The following ENOX1 variants were observed in gnomAD, a reference collection of about 807,000 sequenced individuals.
ENOX1 encodes the protein ecto-NOX disulfide-thiol exchanger 1, also known as candidate growth-related and time keeping constitutive hydroquinone (NADH) oxidase.
A neutral mutation model predicts 82.5 loss-of-function variants in ENOX1; 42 were observed. The observed-to-expected ratio is 0.51, with a 90% CI of 0.40 to 0.66. The LOEUF (loss-of-function observed/expected upper bound fraction) is 0.66, where lower values mean the gene tolerates loss of function less well. Among genes scored for constraint, ENOX1 ranks in the 30% least tolerant of loss-of-function variants. The probability of loss-of-function intolerance (pLI) is 0.00; values close to 1 mark genes in which losing one functional copy is unlikely to be tolerated. For synonymous variants in ENOX1, 271 were observed against 282.2 expected, an observed-to-expected ratio of 0.96 and a Z score of 0.40; for missense variants, 608 against 811.6, an observed-to-expected ratio of 0.75 and a Z score of 3.05.
At chr13:43,729,789 T>C (rs763875295) in intron 1 of ENOX1, among the ~76,000 whole-genome samples, 25 of 152,378 alleles carry the variant, frequency 1.6e-4, no homozygotes, top group Non-Finnish European at 3.5e-4. Context: ...TTTGTCTTTA[T>C]TGACAGAAAG....
At chr13:43,664,450 A>T (rs2084879611) in intron 2 of ENOX1, among the ~76,000 whole-genome samples, 2 of 152,228 alleles carry the variant, frequency 1.3e-5, no homozygotes, top group South Asian at 4.1e-4. Context: ...GGGATGTTAT[A>T]ATTGTTGTAG....
At chr13:43,462,200 G>A (rs766904617) in intron 3 of ENOX1, among the ~76,000 whole-genome samples, 1 of 152,188 alleles carries the variant, frequency 6.6e-6, no homozygotes, top group Non-Finnish European at 1.5e-5. Context: ...CTTTATATGT[G>A]ATGTTATGTG....
chr13:43,656,016 T>C (rs1051392126), intron 2 of ENOX1, among the ~76,000 whole-genome samples: 42 of 152,192 alleles, frequency 2.8e-4, no homozygotes, highest in Admixed American at 2.7e-3. Context: ...ACCCCTATTT[T>C]TGCCTTTTCT....
At chr13:43,263,434 C>T (rs2044192867) in intron 14 of ENOX1, among the ~76,000 whole-genome samples, 1 of 152,218 alleles carries the variant, frequency 6.6e-6, no homozygotes, top group Non-Finnish European at 1.5e-5. Context: ...AGACTCTAGA[C>T]AGGTATCTTA....
intron 2 of ENOX1, among the ~76,000 whole-genome samples, chr13:43,630,339 T>G (rs1348765464): frequency 6.6e-6 from 1 of 152,176 alleles, no homozygotes; most frequent in Non-Finnish European, 1.5e-5. Flanking sequence ...CTTTATTTTC[T>G]GGGCTTGTTT....
At chr13:43,630,150 G>T (rs560362249) in intron 2 of ENOX1, among the ~76,000 whole-genome samples, 1 of 152,280 alleles carries the variant, frequency 6.6e-6, no homozygotes, top group East Asian at 1.9e-4. Context: ...TATTTTGGGA[G>T]AATGTGGTGG....
At chr13:43,332,795 T>C (rs2048480848) in intron 9 of ENOX1, among the ~76,000 whole-genome samples, 2 of 152,084 alleles carry the variant, frequency 1.3e-5, no homozygotes, top group Non-Finnish European at 2.9e-5. Flanking sequence ...TTAAATCCAA[T>C]AAATCTCCTG....
intron 11 of ENOX1, among the ~76,000 whole-genome samples, chr13:43,307,411 T>C (rs1461835654): frequency 2.0e-5 from 3 of 152,216 alleles, no homozygotes; most frequent in African/African-American, 4.8e-5. Flanking sequence ...GATGTGCCTT[T>C]CAGCAAGTTT....
Position 43,603,657 on chromosome 13 carries a change from A to C in ENOX1, c.-219+63822T>G, listed in dbSNP as rs9567229. On this transcript the variant is annotated intron_variant, in intron 2 of 16. Transcript: ENST00000690772. ...GCGGTGTTTGGTTTTTTGTTCTTGC[A>C]ATAGTTTACTGAGAATGATGATTTC... Among the ~76,000 whole-genome samples, 12 of 133,046 alleles carry C rather than the reference A, an allele frequency of 9.0e-5. No individual in the cohort carries two copies. In the South Asian group the frequency reaches 3.1e-3, roughly 35 times the overall value. 87.3% of individuals were successfully genotyped at this position (133,046 alleles called of 152,430 possible). A position where few individuals can be genotyped will look rare whatever the true frequency, so the allele number is the denominator to read the frequency against.
chr13:43,756,624 G>A (rs1240987853), intron 1 of ENOX1, among the ~76,000 whole-genome samples: 2 of 152,084 alleles, frequency 1.3e-5, no homozygotes, highest in Non-Finnish European at 2.9e-5. Flanking sequence ...GTGTCTCATT[G>A]GACTGGGAGC....
At chr13:43,355,687 G>T (rs1457569678) in intron 8 of ENOX1, among the ~76,000 whole-genome samples, 1 of 152,202 alleles carries the variant, frequency 6.6e-6, no homozygotes, top group African/African-American at 2.4e-5. Flanking sequence ...AGGGGCAGGG[G>T]TCTGTCCCAG....
chr13:43,213,922 C>T lies in ENOX1; in HGVS notation c.*68G>A. The T allele has an allele frequency of 1.3e-6, 2 of 1,554,122 alleles. No individual in the cohort carries two copies. Among genetic ancestry groups the T allele is most frequent in the East Asian group, 4.6e-5 (2 of 43,578 alleles). On this transcript the variant is annotated 3_prime_UTR_variant, in exon 17 of 17. Coordinates refer to ENST00000690772, the MANE Select transcript of ENOX1 (RefSeq NM_001347969.2). ...TGCTGGACCAACCCCACACCTCCTG[C>T]TTCCCCGTCGCACCGCCCTGGCCAG...
At chr13:43,623,405 G>A (rs1318226089) in intron 2 of ENOX1, among the ~76,000 whole-genome samples, 1 of 152,182 alleles carries the variant, frequency 6.6e-6, no homozygotes, top group African/African-American at 2.4e-5. Flanking sequence ...AGGGGACCCA[G>A]TGAGTTCCCA....
intron 1 of ENOX1, among the ~76,000 whole-genome samples, chr13:43,699,526 T>C (rs1267633107): frequency 6.6e-6 from 1 of 152,216 alleles, no homozygotes; most frequent in Non-Finnish European, 1.5e-5. Context: ...AAACCATTTC[T>C]ATAGGGAATA....
At chr13:43,656,696 T>C (rs931503176) in intron 2 of ENOX1, among the ~76,000 whole-genome samples, 7 of 152,186 alleles carry the variant, frequency 4.6e-5, no homozygotes, top group Non-Finnish European at 7.3e-5. Flanking sequence ...TAAAGCACCA[T>C]TGTTTCCAGT....
At chr13:43,493,904 A>G (rs1392640480) in intron 2 of ENOX1, among the ~76,000 whole-genome samples, 1 of 152,220 alleles carries the variant, frequency 6.6e-6, no homozygotes, top group Non-Finnish European at 1.5e-5. Context: ...ACAGTTCTGC[A>G]TGGCTGGGGA....
intron 1 of ENOX1, among the ~76,000 whole-genome samples, chr13:43,747,138 A>T (rs888040322): frequency 6.6e-6 from 1 of 152,114 alleles, no homozygotes; most frequent in Non-Finnish European, 1.5e-5. Context: ...CACAACCCGT[A>T]CCACTTCAGA....
intron 3 of ENOX1, among the ~76,000 whole-genome samples, chr13:43,436,281 G>C (rs1435868908): frequency 6.6e-6 from 1 of 152,078 alleles, no homozygotes; most frequent in African/African-American, 2.4e-5. Flanking sequence ...AGACTGAAAA[G>C]ATTAGGAAAG....
intron 2 of ENOX1, among the ~76,000 whole-genome samples, chr13:43,492,179 G>A (rs538764401): frequency 2.6e-5 from 4 of 152,270 alleles, no homozygotes; most frequent in South Asian, 2.1e-4. Context: ...AGAAACTTGG[G>A]CCCTTTATCT....
Sources: allele counts gnomAD v4.1 joint callset (sites outside exome capture counted in the v4.1 genomes callset), GRCh38; gene constraint gnomAD v4.1.1; transcripts MANE v1.5; gene names NCBI Gene and HGNC (gene_info 2026-07-23, HGNC 2026-07-21).